Variants in NTM observed in about 807,000 individuals in gnomAD.
NTM encodes IgLON family member 2.
NTM carries 13 observed loss-of-function variants against 42.1 expected under a neutral mutation model. The ratio of observed to expected loss-of-function variants is 0.31; its 90% CI spans 0.20 to 0.49. The LOEUF is 0.49. Ranked by LOEUF, NTM falls within the 20% of genes least tolerant of loss-of-function variation. The pLI is 0.99. For synonymous variants in NTM, 187 were observed against 179.2 expected (o/e 1.04, Z -0.35); for missense variants, 373 against 452.8 (o/e 0.82, Z 1.60).
At chr11:132,153,893 T>C (rs1487814549) in intron 3 of NTM, among the ~76,000 whole-genome samples, 1 of 152,168 alleles carries the variant, frequency 6.6e-6, no homozygotes, top group Non-Finnish European at 1.5e-5. Context: ...ATGAATACAT[T>C]GAAATGGAGT....
intron 1 of NTM, among the ~76,000 whole-genome samples, chr11:131,906,872 C>T (rs143985955): frequency 1.3e-5 from 2 of 152,240 alleles, no homozygotes; most frequent in African/African-American, 4.8e-5. Context: ...CTGCTGAAAT[C>T]CTAACATGTT....
intron 2 of NTM, among the ~76,000 whole-genome samples, chr11:131,932,718 T>C (rs1291376662): frequency 6.6e-6 from 1 of 152,176 alleles, no homozygotes; most frequent in Non-Finnish European, 1.5e-5. Flanking sequence ...CAGTATGTGC[T>C]GAAAAGGGAT....
intron 4 of NTM, among the ~76,000 whole-genome samples, chr11:132,299,297 A>C (rs979052114): frequency 1.3e-5 from 2 of 152,150 alleles, no homozygotes; most frequent in Admixed American, 6.5e-5. Flanking sequence ...TCTGTCTCAA[A>C]AAAACAAAAC....
At chr11:131,718,225 A>C (rs1278192743) in intron 1 of NTM, among the ~76,000 whole-genome samples, 1 of 152,186 alleles carries the variant, frequency 6.6e-6, no homozygotes, top group Non-Finnish European at 1.5e-5. Flanking sequence ...GACCTTATAG[A>C]ATGAATTGGG....
At chr11:131,889,906 C>T (rs761011884) in intron 1 of NTM, among the ~76,000 whole-genome samples, 7 of 152,134 alleles carry the variant, frequency 4.6e-5, no homozygotes, top group Non-Finnish European at 7.4e-5. Flanking sequence ...GAACCCTCTC[C>T]CTCCACCTTC....
intron 1 of NTM, among the ~76,000 whole-genome samples, chr11:131,581,142 C>T (rs1164994203): frequency 6.6e-6 from 1 of 152,228 alleles, no homozygotes; most frequent in Non-Finnish European, 1.5e-5. Flanking sequence ...GTCATGGCTT[C>T]TCCTTACAAC....
At chr11:132,241,853 G>T (rs183666562) in intron 4 of NTM, among the ~76,000 whole-genome samples, 392 of 152,310 alleles carry the variant, frequency 2.6e-3, no homozygotes, top group African/African-American at 9.1e-3. Flanking sequence ...AAGCCCAATT[G>T]CCCATACACA....
At chr11:132,307,470 C>T (rs1242880197) in intron 4 of NTM, among the ~76,000 whole-genome samples, 1 of 152,294 alleles carries the variant, frequency 6.6e-6, no homozygotes, top group East Asian at 1.9e-4. Flanking sequence ...GTTAGGAACA[C>T]AAACATTTCA....
At chr11:131,512,022 A>G (rs982317669) in intron 1 of NTM, among the ~76,000 whole-genome samples, 2 of 152,076 alleles carry the variant, frequency 1.3e-5, no homozygotes, top group Non-Finnish European at 2.9e-5. Context: ...CTGATAGTGG[A>G]AGGGAAAAGA....
intron 2 of NTM, among the ~76,000 whole-genome samples, chr11:131,997,378 G>T (rs2068258364): frequency 6.6e-6 from 1 of 152,152 alleles, no homozygotes; most frequent in Admixed American, 6.5e-5. Flanking sequence ...GGTACGTGCG[G>T]AACACTGGGC....
chr11:132,072,197 G>A (rs2057768489), intron 2 of NTM, among the ~76,000 whole-genome samples: 1 of 152,126 alleles, frequency 6.6e-6, no homozygotes, highest in South Asian at 2.1e-4. Context: ...ACAGATGGCT[G>A]CAAACCCCCC....
At chr11:131,508,334 GA>G (rs2047765862) in intron 1 of NTM, among the ~76,000 whole-genome samples, 1 of 147,916 alleles carries the variant, frequency 6.8e-6, no homozygotes, top group African/African-American at 2.5e-5. Context: ...ACCACAATGA[GA>G]TACCATCTCA....
At chr11:131,706,836 A>G (rs2076640666) in intron 1 of NTM, among the ~76,000 whole-genome samples, 2 of 152,012 alleles carry the variant, frequency 1.3e-5, no homozygotes, top group South Asian at 4.2e-4. Context: ...AGCAAGAGTA[A>G]TCTTTTTTAT....
At chr11:131,389,641 C>T (rs1290735772) in intron 1 of NTM, among the ~76,000 whole-genome samples, 1 of 152,164 alleles carries the variant, frequency 6.6e-6, no homozygotes, top group East Asian at 1.9e-4. Context: ...ATTTTCACAG[C>T]TTAAGGGCTT....
At chr11:131,421,100 G>A (rs1947471420) in intron 1 of NTM, among the ~76,000 whole-genome samples, 1 of 152,176 alleles carries the variant, frequency 6.6e-6, no homozygotes, top group South Asian at 2.1e-4. Context: ...AAGAGAATTC[G>A]ACCCGGAGGG....
rs192051559 is a variant in NTM at position 131,479,014 on chromosome 11, G to A, written c.82+108126G>A. Among the ~76,000 whole-genome samples the A allele has an allele frequency of 4.6e-5, 7 of 152,306 alleles. No individual in the cohort carries two copies. The East Asian group carries it at 1.2e-3, about 25-fold the overall frequency. On this transcript the variant is annotated intron_variant, in intron 1 of 8. Transcript: ENST00000683400. The stretch of plus-strand genomic sequence containing the variant: ...GCCCAGGGCAGCACTGATTCCTAGT[G>A]CCCCGCACGCCACCTTGCAAAGCCA...
intron 1 of NTM, among the ~76,000 whole-genome samples, chr11:131,874,035 ATATATATATATATAT>A (rs1342449850): frequency 1.7e-4 from 3 of 17,762 alleles, no homozygotes; most frequent in African/African-American, 4.0e-4. Flanking sequence ...AATATAATAT[ATATATATATATATAT>A]ATATATATAT....
At chr11:131,967,828 C>T (rs2063025785) in intron 2 of NTM, among the ~76,000 whole-genome samples, 1 of 152,120 alleles carries the variant, frequency 6.6e-6, no homozygotes, top group South Asian at 2.1e-4. Context: ...AATCTGGTTT[C>T]TATCTGAACT....
chr11:132,103,396 C>T (rs1222371692), intron 2 of NTM, among the ~76,000 whole-genome samples: 1 of 152,194 alleles, frequency 6.6e-6, no homozygotes, highest in Admixed American at 6.5e-5. Context: ...CTGTGGAGCA[C>T]ACCACTACAA....
Sources: allele counts gnomAD v4.1 joint callset (sites outside exome capture counted in the v4.1 genomes callset), GRCh38; gene constraint gnomAD v4.1.1; transcripts MANE v1.5; gene names NCBI Gene and HGNC (gene_info 2026-07-23, HGNC 2026-07-21).